The following FAIM2 variants were observed in gnomAD, a reference collection of about 807,000 sequenced individuals.
FAIM2 encodes the protein Fas apoptotic inhibitory molecule 2.
In FAIM2, 27 loss-of-function variants were observed where a neutral mutation model predicts 47.4. The observed-to-expected ratio is 0.57, with a 90% CI of 0.42 to 0.78. The LOEUF (loss-of-function observed/expected upper bound fraction) is 0.78. Ranked by LOEUF, FAIM2 falls within the 30% of genes least tolerant of loss-of-function variation. FAIM2 has a pLI of 0.00. For missense variants in FAIM2, 311 were observed against 389.4 expected (o/e 0.80, Z 1.69); for synonymous variants, 156 against 159.3 (o/e 0.98, Z 0.16).
chr12:49,897,107 G>A, intron 4 of FAIM2, 23 bp from the exon 5 acceptor site: 1 of 1,595,144 alleles, frequency 6.3e-7, no homozygotes, highest in Non-Finnish European at 8.6e-7. Context: ...GAGAGTGGGA[G>A]AGAGAGTCAG....
rs1391419134 is a variant in FAIM2 at position 49,870,589 on chromosome 12, T to C, written c.866A>G (p.Tyr289Cys). 1 of 1,613,798 alleles carries C rather than the reference T, an allele frequency of 6.2e-7. No individual in the cohort carries two copies. Among genetic ancestry groups the C allele is most frequent in the Non-Finnish European group, 8.5e-7 (1 of 1,179,852 alleles). The change falls in exon 12 of 12, where the codon TAT (tyrosine) becomes TGT (cysteine). Residue 289 changes from tyrosine (Y) to cysteine (C), a missense_variant. By Grantham distance (194) the Tyr-to-Cys change is radical. Coordinates refer to ENST00000320634, the MANE Select transcript of FAIM2 (RefSeq NM_012306.4). Reference sequence around the variant, plus strand: ...GTAAATGTTGAGGGCTCCAAAAATATACTCCTCAGGGCTCAGCGAGTGGCG... The same window carrying C: ...GTAAATGTTGAGGGCTCCAAAAATACACTCCTCAGGGCTCAGCGAGTGGCG... ...NRRHSLSPEE[Y>C]IFGALNIYLD...
chr12:49,877,297 C>A (rs1946743134), intron 11 of FAIM2, among the ~76,000 whole-genome samples: 1 of 152,204 alleles, frequency 6.6e-6, no homozygotes, highest in Non-Finnish European at 1.5e-5. Context: ...CCTGAAGGAG[C>A]AATCACTGAT....
chr12:49,875,749 T>G (rs1946732075), intron 11 of FAIM2, among the ~76,000 whole-genome samples: 1 of 151,994 alleles, frequency 6.6e-6, no homozygotes, highest in African/African-American at 2.4e-5. Context: ...CCAAGGTGGG[T>G]GGATCGCCTG....
intron 1 of FAIM2, among the ~76,000 whole-genome samples, chr12:49,903,207 C>T (rs977316027): frequency 1.3e-5 from 2 of 152,256 alleles, no homozygotes; most frequent in Non-Finnish European, 2.9e-5. Context: ...CCCATCCATG[C>T]CTGGCCAAAA....
At chr12:49,890,296 G>A (rs1030486759) in intron 7 of FAIM2, 142 bp from the exon 8 acceptor site, 13 of 745,966 alleles carry the variant, frequency 1.7e-5, no homozygotes, top group African/African-American at 1.6e-4. Context: ...ACTGACTTTC[G>A]GGAGTCAGGC....
intron 11 of FAIM2, among the ~76,000 whole-genome samples, chr12:49,880,492 G>GTATGTGTATGTA (rs1555158547): frequency 1.2e-5 from 1 of 84,232 alleles, no homozygotes; most frequent in African/African-American, 5.5e-5. Context: ...GTATGCATGT[G>GTATGTGTATGTA]TATGTGTGTG....
At chr12:49,878,162 A>G (rs1298972925) in intron 11 of FAIM2, among the ~76,000 whole-genome samples, 1 of 87,028 alleles carries the variant, frequency 1.1e-5, no homozygotes, top group African/African-American at 5.3e-5. Context: ...GTATGAGTGT[A>G]TGTGTGTATG....
chr12:49,878,813 A>G (rs61723204), intron 11 of FAIM2, among the ~76,000 whole-genome samples: 1 of 29,190 alleles, frequency 3.4e-5, no homozygotes, highest in South Asian at 9.8e-4. Context: ...TGTGCATGTG[A>G]ATGTGTGTAT....
At chr12:49,878,061 C>CGT (rs147485870) in intron 11 of FAIM2, among the ~76,000 whole-genome samples, 106,987 of 142,626 alleles carry the variant, frequency 0.75, 40,121 homozygotes, top group African/African-American at 0.81. Context: ...TGTATATGTG[C>CGT]GTGTATGTGT....
intron 10 of FAIM2, among the ~76,000 whole-genome samples, 154 bp downstream of exon 10, chr12:49,888,953 C>T (rs1334317144): frequency 2.0e-5 from 3 of 152,210 alleles, no homozygotes; most frequent in Admixed American, 6.5e-5. Flanking sequence ...ACTGCCAGCA[C>T]GCCTGTGGCA....
At chr12:49,901,831 G>A (rs1248240632) in intron 1 of FAIM2, 1 of 152,448 alleles carries the variant, frequency 6.6e-6, no homozygotes, top group Admixed American at 6.5e-5. Context: ...CATCCACTGG[G>A]ATTGATCCTT....
At position 49,878,611 on chromosome 12, in the gene FAIM2, T is replaced by TGTGC. The variant is rs1946765645; in HGVS notation, c.802-7959_802-7958insGCAC. ...ATGTGTATGTGTATGTGTGCATGTG[T>TGTGC]ATGTGTGCATATGTGTATGTATGTG... On this transcript the variant is annotated intron_variant, in intron 11 of 11. Coordinates refer to ENST00000320634, the MANE Select transcript of FAIM2 (RefSeq NM_012306.4). 3.8e-5 allele frequency among the ~76,000 whole-genome samples: 4 copies of TGTGC among 105,214 alleles called. 1 individual carries two copies. The highest frequency in any genetic ancestry group is 6.3e-5 in the African/African-American group (2 of 31,998). The allele number at this position is 105,214 out of a possible 152,430, so 69.0% of individuals were successfully genotyped here.
chr12:49,888,654 G>A lies in FAIM2; in HGVS notation c.747+453C>T, dbSNP rs550358452. Among the ~76,000 whole-genome samples the A allele has an allele frequency of 4.6e-5, 7 of 152,204 alleles. No individual in the cohort carries two copies. The South Asian group carries it at 1.5e-3, about 32-fold the overall frequency. On this transcript the variant is annotated intron_variant, in intron 10 of 11. Coordinates refer to ENST00000320634, the MANE Select transcript of FAIM2 (RefSeq NM_012306.4). ...TGCTCTAAGGATGTGGGTATACTCC[G>A]AGCCCCGCTGCCCCACGTCCCGCCT...
At chr12:49,876,499 T>C (rs567517584) in intron 11 of FAIM2, among the ~76,000 whole-genome samples, 139 of 152,192 alleles carry the variant, frequency 9.1e-4, no homozygotes, top group Non-Finnish European at 1.5e-3. Flanking sequence ...TGCGGTGGCT[T>C]ACGCCTGTAA....
chr12:49,890,078 G>C, intron 8 of FAIM2, 39 bp downstream of exon 8: 1 of 1,606,338 alleles, frequency 6.2e-7, no homozygotes. Flanking sequence ...CTCCAAGCCT[G>C]GCCTATGGTC....
At chr12:49,883,814 G>C (rs536070991) in intron 11 of FAIM2, among the ~76,000 whole-genome samples, 1 of 152,198 alleles carries the variant, frequency 6.6e-6, no homozygotes, top group South Asian at 2.1e-4. Flanking sequence ...GAGAGGGAAG[G>C]AACCGTTGTA....
intron 2 of FAIM2, among the ~76,000 whole-genome samples, chr12:49,898,971 T>A (rs979322072): frequency 6.6e-6 from 1 of 151,314 alleles, no homozygotes; most frequent in African/African-American, 2.4e-5. Context: ...GGGCAAGAAG[T>A]GGGGGTGAGG....
intron 5 of FAIM2, among the ~76,000 whole-genome samples, chr12:49,895,527 C>A (rs1946930254): frequency 6.6e-6 from 1 of 152,204 alleles, no homozygotes; most frequent in African/African-American, 2.4e-5. Flanking sequence ...AGAAGCCATG[C>A]CAACCTGCCA....
At chr12:49,879,767 C>T (rs2924703) in intron 11 of FAIM2, among the ~76,000 whole-genome samples, 115,718 of 148,462 alleles carry the variant, frequency 0.78, 45,271 homozygotes, top group African/African-American at 0.9. Context: ...TGTGTGTGCA[C>T]GTGTGTATAT....
Sources: gnomAD v4.1 joint callset for allele counts (sites outside exome capture counted in the v4.1 genomes callset) on GRCh38, gnomAD v4.1.1 for gene constraint, MANE v1.5 for transcripts, NCBI Gene and HGNC (gene_info 2026-07-23, HGNC 2026-07-21) for gene names.